Variants in TNFAIP8 observed in about 807,000 individuals in gnomAD.
The protein encoded by TNFAIP8 is TNF alpha induced protein 8, also known as tumor necrosis factor alpha-induced protein 8.
In TNFAIP8, 7 loss-of-function variants were observed where a neutral mutation model predicts 13.3. The observed-to-expected ratio is 0.52, with a 90% CI of 0.30 to 0.99. The LOEUF is 0.99. TNFAIP8 is among the 50% of genes least tolerant of loss of function. The pLI, the probability that TNFAIP8 is intolerant of heterozygous loss-of-function variation, is 0.07. For missense variants in TNFAIP8, 258 were observed against 236.9 expected (o/e 1.09, Z -0.58); for synonymous variants, 94 against 87.6 (o/e 1.07, Z -0.41).
intron 1 of TNFAIP8, among the ~76,000 whole-genome samples, chr5:119,318,802 A>G (rs751377657): frequency 6.6e-6 from 1 of 151,362 alleles, no homozygotes; most frequent in African/African-American, 2.4e-5. Flanking sequence ...AGAACCTACC[A>G]TGTGCATTTT....
rs568677925 is a variant in TNFAIP8, at chr5:119,271,326, T to C, written c.1+2419T>C. On this transcript the variant is annotated intron_variant, in intron 1 of 1. Transcript: ENST00000274456. ...AACTTCACAGAGGTGATCTTTAAAGTTGAGTCTGCCACAGTGCCAGGCACT... is the reference window on the plus strand; with the variant it reads ...AACTTCACAGAGGTGATCTTTAAAGCTGAGTCTGCCACAGTGCCAGGCACT... Among the ~76,000 whole-genome samples the C allele has an allele frequency of 4.6e-5, 7 of 152,320 alleles. No individual in the cohort carries two copies. The East Asian group carries it at 1.2e-3, about 25-fold the overall frequency.
intron 1 of TNFAIP8, among the ~76,000 whole-genome samples, chr5:119,380,482 G>A (rs1312615069): frequency 6.6e-6 from 1 of 152,234 alleles, no homozygotes; most frequent in Non-Finnish European, 1.5e-5. Flanking sequence ...AAATCACGGA[G>A]CTGTTGAGAG....
At chr5:119,339,789 G>C (rs1750676687) in intron 1 of TNFAIP8, among the ~76,000 whole-genome samples, 1 of 152,102 alleles carries the variant, frequency 6.6e-6, no homozygotes, top group South Asian at 2.1e-4. Context: ...AATATAATTT[G>C]TATTTAAAAA....
intron 1 of TNFAIP8, among the ~76,000 whole-genome samples, chr5:119,288,895 A>C (rs1236729372): frequency 2.0e-5 from 3 of 152,254 alleles, no homozygotes; most frequent in African/African-American, 7.2e-5. Context: ...CTTACTACTC[A>C]TTCTTGGAAT....
At chr5:119,388,798 ATT>A (rs1184704547) in intron 1 of TNFAIP8, among the ~76,000 whole-genome samples, 32 of 140,626 alleles carry the variant, frequency 2.3e-4, no homozygotes, top group African/African-American at 5.7e-4. Context: ...ATGCCCAGCT[ATT>A]TTTTTTTTTT....
At chr5:119,392,723 A>G (rs1752937691) in intron 1 of TNFAIP8, 93 bp from the exon 2 acceptor site, 16 of 1,351,086 alleles carry the variant, frequency 1.2e-5, no homozygotes, top group Admixed American at 2.8e-5. Flanking sequence ...GAAAATGAGG[A>G]AAAAAAGTGC....
chr5:119,325,982 C>G (rs1750213289), intron 1 of TNFAIP8, among the ~76,000 whole-genome samples: 1 of 152,232 alleles, frequency 6.6e-6, no homozygotes, highest in South Asian at 2.1e-4. Context: ...TAGCACCTTT[C>G]ACAATCCGTC....
chr5:119,295,833 A>G (rs1007446515), intron 1 of TNFAIP8, among the ~76,000 whole-genome samples: 1 of 152,076 alleles, frequency 6.6e-6, no homozygotes, highest in Non-Finnish European at 1.5e-5. Flanking sequence ...TTCTCCTTGA[A>G]GAGGTCCTTC....
chr5:119,297,221 C>G (rs886957707), intron 1 of TNFAIP8, among the ~76,000 whole-genome samples: 5 of 152,000 alleles, frequency 3.3e-5, no homozygotes, highest in African/African-American at 7.3e-5. Flanking sequence ...TGGATCTTTC[C>G]TGCTTTCTCT....
At chr5:119,378,490 A>G (rs1288828893) in intron 1 of TNFAIP8, among the ~76,000 whole-genome samples, 2 of 152,176 alleles carry the variant, frequency 1.3e-5, no homozygotes. Flanking sequence ...ACAGTTATTG[A>G]GGAAAAATTG....
intron 1 of TNFAIP8, among the ~76,000 whole-genome samples, chr5:119,310,846 A>G (rs1230754338): frequency 2.0e-5 from 3 of 151,920 alleles, no homozygotes; most frequent in African/African-American, 4.8e-5. Context: ...CAATCAATCA[A>G]TCAATACATT....
At chr5:119,344,325 A>G (rs144884150) in intron 1 of TNFAIP8, among the ~76,000 whole-genome samples, 1 of 152,176 alleles carries the variant, frequency 6.6e-6, no homozygotes, top group Non-Finnish European at 1.5e-5. Context: ...CAGCTCTCGC[A>G]TGAACTCATA....
intron 1 of TNFAIP8, among the ~76,000 whole-genome samples, chr5:119,382,237 A>G (rs915802487): frequency 1.1e-4 from 16 of 152,196 alleles, no homozygotes; most frequent in Non-Finnish European, 2.1e-4. Flanking sequence ...CCCATCAGCA[A>G]AAACTAATGT....
At position 119,399,494 on chromosome 5, in the gene TNFAIP8, G is replaced by C. The variant is rs1000565088; in HGVS notation, c.*6113G>C. 1.3e-5 allele frequency: 2 copies of C among 152,090 alleles called. No individual in the cohort carries two copies. The highest frequency in any genetic ancestry group is 4.8e-5 in the African/African-American group (2 of 41,400). 9.4% of individuals were successfully genotyped at this position (152,090 alleles called of 1,614,324 possible). ...CCAAATCAGCGATGAAAAGAAGACTGAGTCTAAAATAAATGAAGCAACAGA... is the reference window on the plus strand; with the variant it reads ...CCAAATCAGCGATGAAAAGAAGACTCAGTCTAAAATAAATGAAGCAACAGA... On this transcript the variant is annotated 3_prime_UTR_variant, in exon 2 of 2. Transcript: ENST00000504771.
chr5:119,358,690 G>T (rs576688117), intron 1 of TNFAIP8, among the ~76,000 whole-genome samples: 4 of 152,202 alleles, frequency 2.6e-5, no homozygotes, highest in Admixed American at 6.5e-5. Flanking sequence ...GCTGATAGCC[G>T]TGTATTTGGC....
chr5:119,314,170 AAAACAAACAAACAAACAAAC>A (rs3055625), intron 1 of TNFAIP8, among the ~76,000 whole-genome samples: 28 of 151,024 alleles, frequency 1.9e-4, no homozygotes, highest in Admixed American at 1.3e-3. Flanking sequence ...GCTGTCTCTA[AAAACAAACAAACAAACAAAC>A]AAACAAACAA....
chr5:119,308,805 A>C (rs1368070417), intron 1 of TNFAIP8, among the ~76,000 whole-genome samples: 1 of 150,350 alleles, frequency 6.7e-6, no homozygotes. Flanking sequence ...GAGTGAGCCA[A>C]GATTGTGCCA....
chr5:119,286,329 A>G (rs1360507147), intron 1 of TNFAIP8, among the ~76,000 whole-genome samples: 1 of 152,142 alleles, frequency 6.6e-6, no homozygotes, highest in Non-Finnish European at 1.5e-5. Context: ...GTGTCTATTA[A>G]AAAAAAGTCC....
At chr5:119,376,759 G>A (rs1433283705) in intron 1 of TNFAIP8, among the ~76,000 whole-genome samples, 1 of 152,142 alleles carries the variant, frequency 6.6e-6, no homozygotes, top group African/African-American at 2.4e-5. Flanking sequence ...ACAGGATAGA[G>A]CATTTCTGAA....
Sources: gnomAD v4.1 joint callset for allele counts (sites outside exome capture counted in the v4.1 genomes callset) on GRCh38, gnomAD v4.1.1 for gene constraint, MANE v1.5 for transcripts, NCBI Gene and HGNC (gene_info 2026-07-23, HGNC 2026-07-21) for gene names.